AJAP1: variants seen among roughly 807,000 people sequenced by gnomAD.
AJAP1 encodes adherens junction-associated protein 1.
In AJAP1, 5 loss-of-function variants were observed where a neutral mutation model predicts 35.0. That is an observed-to-expected ratio of 0.14 (90% CI 0.07 to 0.30). The LOEUF is 0.30. Ranked by LOEUF, AJAP1 falls within the 10% of genes least tolerant of loss-of-function variation. The pLI is 1.00. For synonymous variants in AJAP1, 284 were observed against 249.3 expected (o/e 1.14, Z -1.31); for missense variants, 586 against 571.0 (o/e 1.03, Z -0.27).
chr1:4,780,306 C>T (rs372720343), intron 5 of AJAP1, among the ~76,000 whole-genome samples: 232 of 152,098 alleles, frequency 1.5e-3, no homozygotes, highest in African/African-American at 5.3e-3. Flanking sequence ...CCCCGTCTCC[C>T]CCCATCCCCT....
intron 2 of AJAP1, among the ~76,000 whole-genome samples, chr1:4,767,661 T>C (rs1641717057): frequency 1.3e-5 from 2 of 151,844 alleles, no homozygotes; most frequent in Admixed American, 1.3e-4. Flanking sequence ...ACCATCATCA[T>C]CACTATTATC....
chr1:4,710,660 C>A (rs1417747140), intron 1 of AJAP1, among the ~76,000 whole-genome samples: 1 of 152,282 alleles, frequency 6.6e-6, no homozygotes, highest in African/African-American at 2.4e-5. Flanking sequence ...TCGCGCCCCC[C>A]ACCCGCTTCA....
intron 1 of AJAP1, among the ~76,000 whole-genome samples, chr1:4,670,991 A>G (rs1315770430): frequency 6.6e-6 from 1 of 152,232 alleles, no homozygotes; most frequent in Non-Finnish European, 1.5e-5. Flanking sequence ...GCTATCATGC[A>G]AGTCATTTAA....
In AJAP1 at chr1:4,734,415, G is replaced by A. The variant is rs546428110; in HGVS notation, c.829+21716G>A. 6.6e-6 allele frequency among the ~76,000 whole-genome samples: 1 copy of A among 152,324 alleles called. No homozygotes were observed. Among genetic ancestry groups the A allele is most frequent in the East Asian group, 1.9e-4 (1 of 5,174 alleles). On this transcript the variant is annotated intron_variant, in intron 2 of 5. Transcript: ENST00000378191. This position sits in a 1 kb window ranked among gnomAD's most constrained non-coding sequence, Gnocchi z 4.3. Reference sequence around the variant, plus strand: ...TTAAATCAGCAGAGGCAGAGGCCCCGAGAGGTTAAGTGACTTGCCTGAGGT... The same window carrying A: ...TTAAATCAGCAGAGGCAGAGGCCCCAAGAGGTTAAGTGACTTGCCTGAGGT...
At chr1:4,672,086 T>A (rs1639262129) in intron 1 of AJAP1, among the ~76,000 whole-genome samples, 1 of 152,190 alleles carries the variant, frequency 6.6e-6, no homozygotes. Context: ...CACACACATG[T>A]AAAGTAAGGA....
At chr1:4,688,771 CAAAAAAA>C (rs5772177) in intron 1 of AJAP1, among the ~76,000 whole-genome samples, 5 of 87,948 alleles carry the variant, frequency 5.7e-5, no homozygotes, top group Non-Finnish European at 8.8e-5. Flanking sequence ...GACTCCGTCT[CAAAAAAA>C]AAAAAAAAAA....
intron 2 of AJAP1, among the ~76,000 whole-genome samples, chr1:4,728,796 G>C (rs1286485996): frequency 6.6e-6 from 1 of 152,248 alleles, no homozygotes; most frequent in African/African-American, 2.4e-5. Context: ...TGGGTGGTCA[G>C]GTTTTCCCTC....
intron 5 of AJAP1, among the ~76,000 whole-genome samples, chr1:4,780,308 C>G (rs1376829509): frequency 2.6e-5 from 4 of 151,994 alleles, no homozygotes; most frequent in Non-Finnish European, 5.9e-5. Flanking sequence ...CCGTCTCCCC[C>G]CATCCCCTGG....
At chr1:4,769,818 C>T (rs771908537) in intron 2 of AJAP1, 35 bp from the exon 3 acceptor site, 3 of 1,584,458 alleles carry the variant, frequency 1.9e-6, no homozygotes, top group African/African-American at 2.7e-5. Flanking sequence ...AACCTGGTTT[C>T]ACGGGTGCCC....
intron 2 of AJAP1, among the ~76,000 whole-genome samples, chr1:4,731,282 T>C (rs1233326152): frequency 1.3e-5 from 2 of 152,146 alleles, no homozygotes; most frequent in Non-Finnish European, 2.9e-5. Context: ...AGTTTCACCA[T>C]GTTGGCCAGG....
At chr1:4,709,353 T>C (rs1181606509) in intron 1 of AJAP1, among the ~76,000 whole-genome samples, 2 of 151,556 alleles carry the variant, frequency 1.3e-5, no homozygotes, top group Admixed American at 1.3e-4. Context: ...GTGGGGACTG[T>C]TGGAGTCTGG....
intron 2 of AJAP1, among the ~76,000 whole-genome samples, chr1:4,757,229 T>C (rs1472516344): frequency 6.6e-6 from 1 of 152,224 alleles, no homozygotes; most frequent in Non-Finnish European, 1.5e-5. Flanking sequence ...CCGCCTCCCC[T>C]GTCAGTGAGC....
At position 4,728,133 on chromosome 1, in the gene AJAP1, A is replaced by G. The variant is rs1640712993; in HGVS notation, c.829+15434A>G. ...GCCTCTAAGTGTGTGGTCATTTGCT[A>G]CTTGGCAAAGACAACTAGGAGAGCC... On this transcript the variant is annotated intron_variant, in intron 2 of 5. Coordinates refer to ENST00000378191, the MANE Select transcript of AJAP1 (RefSeq NM_018836.4). Among the ~76,000 whole-genome samples the G allele has an allele frequency of 7.2e-5, 11 of 152,308 alleles. 1 individual carries two copies. In the South Asian group the frequency reaches 2.3e-3, roughly 32 times the overall value.
At chr1:4,706,815 TA>T (rs2100255802) in intron 1 of AJAP1, among the ~76,000 whole-genome samples, 1 of 152,294 alleles carries the variant, frequency 6.6e-6, no homozygotes, top group East Asian at 1.9e-4. Context: ...CACCAAATCT[TA>T]TTAAACTGTT....
chr1:4,735,910 A>G (rs950067887), intron 2 of AJAP1, among the ~76,000 whole-genome samples: 1 of 152,190 alleles, frequency 6.6e-6, no homozygotes, highest in Admixed American at 6.5e-5. Context: ...GGTGATCTTC[A>G]GCCTTTGCCA....
intron 5 of AJAP1, among the ~76,000 whole-genome samples, chr1:4,776,801 G>T (rs1388421116): frequency 2.6e-5 from 4 of 152,032 alleles, no homozygotes; most frequent in Non-Finnish European, 4.4e-5. Context: ...AGGACCACCG[G>T]CATTTACACA....
chr1:4,667,844 C>A (rs1332228989), intron 1 of AJAP1, among the ~76,000 whole-genome samples: 1 of 152,192 alleles, frequency 6.6e-6, no homozygotes, highest in Non-Finnish European at 1.5e-5. Context: ...AATGAGCCCA[C>A]AGCACTGAGT....
rs1306758383 is a variant in AJAP1 at position 4,784,169 on chromosome 1, A to C, written c.*1684A>C. The C allele has an allele frequency of 1.3e-5, 2 of 152,316 alleles. No individual in the cohort carries two copies. The highest frequency in any genetic ancestry group is 3.9e-4 in the East Asian group (2 of 5,182). 9.4% of individuals were successfully genotyped at this position (152,316 alleles called of 1,614,324 possible). A position where few individuals can be genotyped will look rare whatever the true frequency, so the allele number is the denominator to read the frequency against. On this transcript the variant is annotated 3_prime_UTR_variant, in exon 6 of 6. Transcript: ENST00000378191. ...CAACCACACACACTTTATTAAAAAT[A>C]CTGCCATGCCGCCGGGCCTCCCTCA... is the stretch of plus-strand genomic sequence containing the variant.
At chr1:4,700,370 G>T (rs973484305) in intron 1 of AJAP1, among the ~76,000 whole-genome samples, 3 of 152,072 alleles carry the variant, frequency 2.0e-5, no homozygotes, top group Non-Finnish European at 2.9e-5. Flanking sequence ...GCCCCCACAG[G>T]CGCCCATGAG....
Sources: gnomAD v4.1 joint callset for allele counts (sites outside exome capture counted in the v4.1 genomes callset) on GRCh38, gnomAD v4.1.1 for gene constraint, Gnocchi (gnomAD v3.1) non-coding constraint, MANE v1.5 for transcripts, NCBI Gene and HGNC (gene_info 2026-07-23, HGNC 2026-07-21) for gene names.